Variants in GNAS observed in about 807,000 individuals in gnomAD.
The protein encoded by GNAS is protein ALEX.
In GNAS, 8 loss-of-function variants were observed where a neutral mutation model predicts 54.5. The observed-to-expected ratio is 0.15, with a 90% CI of 0.09 to 0.26. The LOEUF is 0.26. GNAS is among the 10% of genes least tolerant of loss of function. GNAS has a pLI of 1.00. For synonymous variants in GNAS, 204 were observed against 191.4 expected (o/e 1.07, Z -0.54); for missense variants, 170 against 529.8 (o/e 0.32, Z 6.67).
upstream of GNAS, chr20:58,839,905 C>T (rs2085655295): frequency 4.9e-6 from 3 of 606,330 alleles, no homozygotes; most frequent in South Asian, 5.9e-5. Flanking sequence ...GCAAGCAAGG[C>T]GCGGAGCTTT....
At chr20:58,906,802 T>C (rs1208709077) in intron 6 of GNAS, among the ~76,000 whole-genome samples, 1 of 152,176 alleles carries the variant, frequency 6.6e-6, no homozygotes, top group African/African-American at 2.4e-5. Flanking sequence ...AGTGCTGGGA[T>C]TACAGGCATG....
upstream of GNAS, chr20:58,840,138 G>T (rs1255891471): frequency 3.7e-6 from 6 of 1,611,422 alleles, no homozygotes; most frequent in Non-Finnish European, 5.1e-6. This position sits in a 1 kb window ranked among gnomAD's most constrained non-coding sequence, Gnocchi z 6.0. Flanking sequence ...CAGCAGTGGC[G>T]CCGAGCTCGC....
chr20:58,855,898 C>G (rs1270787317), intron 1 of GNAS: 1 of 515,722 alleles, frequency 1.9e-6, no homozygotes, highest in Non-Finnish European at 3.4e-6. Flanking sequence ...TGTACTTGTA[C>G]TTGGGAACGG....
chr20:58,870,793 C>T (rs2087391180), intron 1 of GNAS, among the ~76,000 whole-genome samples: 1 of 152,218 alleles, frequency 6.6e-6, no homozygotes, highest in Non-Finnish European at 1.5e-5. Flanking sequence ...TGGGGCCCAA[C>T]TGCCCACTTT....
Position 58,840,899 on chromosome 20 carries a change from C to A in GNAS, c.43+13C>A. ...TTCATGGATTCAGGTTAGTTGCCCA[C>A]CGCTAAACTGGGGAGCCTGAGGGCG... On this transcript the variant is annotated intron_variant, in intron 1 of 12. Transcript: ENST00000306090. The surrounding 1 kb of genome is among the most constrained non-coding windows in gnomAD (Gnocchi z 6.0). The A allele has an allele frequency of 6.2e-7, 1 of 1,612,070 alleles. No individual in the cohort carries two copies. Among genetic ancestry groups the A allele is most frequent in the Non-Finnish European group, 8.5e-7 (1 of 1,179,646 alleles).
chr20:58,874,709 C>T (rs375186327), intron 1 of GNAS, among the ~76,000 whole-genome samples: 1 of 150,470 alleles, frequency 6.6e-6, no homozygotes. Context: ...CTGGCCTGCC[C>T]TCTATCTTTG....
In GNAS at chr20:58,910,856, G is replaced by A; in HGVS notation, c.*27G>A. The A allele has an allele frequency of 6.2e-7, 1 of 1,604,584 alleles. No individual in the cohort carries two copies. The highest frequency in any genetic ancestry group is 8.5e-7 in the Non-Finnish European group (1 of 1,171,516). On this transcript the variant is annotated 3_prime_UTR_variant, in exon 13 of 13. Transcript: ENST00000371085. This position sits in a 1 kb window ranked among gnomAD's most constrained non-coding sequence, Gnocchi z 5.8. Reference sequence around the variant, plus strand: ...AAGGGAACCCCCAAATTTAATTAAAGCCTTAAGCACAATTAATTAAAAGTG... The same window carrying A: ...AAGGGAACCCCCAAATTTAATTAAAACCTTAAGCACAATTAATTAAAAGTG...
At chr20:58,894,488 A>C (rs888649400) in intron 1 of GNAS, among the ~76,000 whole-genome samples, 1 of 152,236 alleles carries the variant, frequency 6.6e-6, no homozygotes, top group Non-Finnish European at 1.5e-5. Context: ...GCATTAAAAC[A>C]AAACAATACA....
At chr20:58,903,497 A>G (rs907508160) in intron 3 of GNAS, 34 bp from the exon 4 acceptor site, 10 of 1,561,622 alleles carry the variant, frequency 6.4e-6, no homozygotes, top group East Asian at 2.2e-5. Context: ...ACATGGTGCA[A>G]TATGATTTTC....
rs1233646602 is a variant in GNAS at position 58,863,135 on chromosome 20, CT to C, written c.43+22252del. Among the ~76,000 whole-genome samples the C allele has an allele frequency of 2.0e-5, 3 of 152,136 alleles. No individual in the cohort carries two copies. The highest frequency in any genetic ancestry group is 2.9e-5 in the Non-Finnish European group (2 of 68,036). The stretch of plus-strand genomic sequence containing the variant: ...TTCATTATGTTGATCGTCACATGCT[CT>C]TTGAGCACACACGAGTCACACACCT... On this transcript the variant is annotated intron_variant, in intron 1 of 12. Transcript: ENST00000306090. This position sits in a 1 kb window ranked among gnomAD's most constrained non-coding sequence, Gnocchi z 4.1.
intron 1 of GNAS, chr20:58,892,121 G>A (rs1446155004): frequency 2.1e-6 from 2 of 968,988 alleles, no homozygotes; most frequent in Non-Finnish European, 2.5e-6. Context: ...TGCCCGCTCA[G>A]TGTCTCTCTC....
chr20:58,875,629 A>G (rs1453945881), intron 1 of GNAS, among the ~76,000 whole-genome samples: 1 of 152,010 alleles, frequency 6.6e-6, no homozygotes, highest in Non-Finnish European at 1.5e-5. Context: ...GACCCCTCAC[A>G]CCAGATCTCC....
intron 3 of GNAS, 40 bp from the exon 4 acceptor site, chr20:58,903,491 G>C (rs760595378): frequency 2.0e-6 from 3 of 1,519,910 alleles, no homozygotes; most frequent in South Asian, 2.2e-5. Flanking sequence ...TAACTGACAT[G>C]GTGCAATATG....
chr20:58,874,076 C>T (rs2087634710), intron 1 of GNAS, among the ~76,000 whole-genome samples: 1 of 152,202 alleles, frequency 6.6e-6, no homozygotes, highest in Admixed American at 6.5e-5. Context: ...CACTCTGAGG[C>T]TGAAAATTTC....
intron 1 of GNAS, chr20:58,855,467 A>T (rs1215309777): frequency 1.2e-6 from 1 of 855,046 alleles, no homozygotes; most frequent in Non-Finnish European, 2.0e-6. Flanking sequence ...AGAACTTGCT[A>T]GAAAGTTCCA....
At chr20:58,906,160 A>T (rs1055769154) in intron 6 of GNAS, among the ~76,000 whole-genome samples, 1 of 152,248 alleles carries the variant, frequency 6.6e-6, no homozygotes. Flanking sequence ...TTTCAAATAA[A>T]ACAAATTACT....
intron 5 of GNAS, 95 bp from the exon 6 acceptor site, chr20:58,905,288 C>T: frequency 1.3e-6 from 1 of 783,212 alleles, no homozygotes; most frequent in Non-Finnish European, 2.3e-6. Flanking sequence ...AAGTGTCGGT[C>T]ACATAGGGAA....
At chr20:58,892,782 A>G (rs906689374) in intron 1 of GNAS, among the ~76,000 whole-genome samples, 7 of 152,012 alleles carry the variant, frequency 4.6e-5, no homozygotes, top group Admixed American at 6.5e-5. Context: ...AAGCCAAATG[A>G]CACGTCATTT....
At chr20:58,840,798 C>T (rs1345821898), upstream of GNAS, 1 of 1,612,292 alleles carries the variant, frequency 6.2e-7, no homozygotes, top group Non-Finnish European at 8.5e-7. The surrounding 1 kb of genome is among the most constrained non-coding windows in gnomAD (Gnocchi z 6.0). Flanking sequence ...GACGCGTCCC[C>T]GGAGTCCCCT....
Sources: gnomAD v4.1 joint callset for allele counts (sites outside exome capture counted in the v4.1 genomes callset) on GRCh38, gnomAD v4.1.1 for gene constraint, Gnocchi (gnomAD v3.1) non-coding constraint, MANE v1.5 for transcripts, NCBI Gene and HGNC (gene_info 2026-07-23, HGNC 2026-07-21) for gene names.